Variants in SYNE1 observed in about 807,000 individuals in gnomAD.
SYNE1 encodes nesprin-1.
SYNE1 carries 616 observed loss-of-function variants against 1,111.0 expected under a neutral mutation model. The observed-to-expected ratio is 0.55, with a 90% CI of 0.52 to 0.59. The LOEUF is 0.59. SYNE1 is among the 20% of genes least tolerant of loss of function. The pLI is 0.00. For synonymous variants in SYNE1, 3,855 were observed against 3,825.8 expected, an observed-to-expected ratio of 1.01 and a Z score of -0.28; for missense variants, 10,006 against 10,417.0, an observed-to-expected ratio of 0.96 and a Z score of 1.72.
chr6:152,421,972 C>T (rs1259910882), intron 39 of SYNE1, among the ~76,000 whole-genome samples: 1 of 152,174 alleles, frequency 6.6e-6, no homozygotes, highest in Admixed American at 6.5e-5. Context: ...TCCCAAAGTG[C>T]TGGGATTACA....
intron 3 of SYNE1, among the ~76,000 whole-genome samples, chr6:152,605,046 G>A (rs2099610382): frequency 1.7e-5 from 1 of 57,226 alleles, no homozygotes; most frequent in African/African-American, 7.0e-5. Context: ...GGGAGGGAGG[G>A]AGGGAGGGAG....
rs2079442152 is a variant in SYNE1 at position 152,219,064 on chromosome 6, G to A, written c.21983C>T (p.Ser7328Phe). 6.2e-7 allele frequency: 1 copy of A among 1,614,074 alleles called. No individual in the cohort carries two copies. Among genetic ancestry groups the A allele is most frequent in the African/African-American group, 1.3e-5 (1 of 74,944 alleles). The change falls in exon 120 of 146, where the codon TCT (serine) becomes TTT (phenylalanine). Residue 7328 changes from serine (S) to phenylalanine (F), a missense_variant. Physicochemically the swap from Ser to Phe is radical, Grantham distance 155 (BLOSUM62 -2). Coordinates refer to ENST00000367255, the MANE Select transcript of SYNE1 (RefSeq NM_182961.4). ...CAGGGCACACAAGTGTTGACTCAAAGAGAGTTGATCCGATTGAATAGCTGA... is the reference window on the plus strand; with the variant it reads ...CAGGGCACACAAGTGTTGACTCAAAAAGAGTTGATCCGATTGAATAGCTGA... ...AASAIQSDQL[S>F]LSQHLCALEQ...
At chr6:152,214,677 T>C (rs1422631100) in intron 122 of SYNE1, among the ~76,000 whole-genome samples, 1 of 152,094 alleles carries the variant, frequency 6.6e-6, no homozygotes, top group Non-Finnish European at 1.5e-5. Flanking sequence ...ACAGCAACTC[T>C]CCCCTCCTGA....
intron 107 of SYNE1, 115 bp from the exon 108 acceptor site, chr6:152,239,821 G>T: frequency 9.1e-7 from 1 of 1,096,210 alleles, no homozygotes; most frequent in Non-Finnish European, 1.4e-6. Context: ...CAGTTGGGGA[G>T]GCTGAAGTGG....
At chr6:152,155,600 T>C (rs1365766831) in intron 132 of SYNE1, among the ~76,000 whole-genome samples, 3 of 152,344 alleles carry the variant, frequency 2.0e-5, no homozygotes, top group East Asian at 3.9e-4. Context: ...TAATTTTTAA[T>C]AAAAGAATGT....
intron 74 of SYNE1, among the ~76,000 whole-genome samples, chr6:152,341,976 C>CA: frequency 6.6e-6 from 1 of 151,950 alleles, no homozygotes; most frequent in South Asian, 2.1e-4. Flanking sequence ...GAAATAACAA[C>CA]AAAAAATAAA....
intron 99 of SYNE1, among the ~76,000 whole-genome samples, chr6:152,268,510 C>T (rs1007723888): frequency 2.6e-5 from 4 of 151,902 alleles, no homozygotes; most frequent in African/African-American, 7.3e-5. Flanking sequence ...AGGATAGATC[C>T]TTGGGAAAAG....
chr6:152,141,926 C>T (rs1187148183), intron 138 of SYNE1, among the ~76,000 whole-genome samples: 2 of 151,892 alleles, frequency 1.3e-5, no homozygotes, highest in African/African-American at 4.8e-5. Context: ...TAAAAATGAG[C>T]CAGGCGTGGT....
rs572259680 is a variant in SYNE1 at position 152,623,109 on chromosome 6, GCTACAGTAA to G, written c.67+5147_67+5155del. On this transcript the variant is annotated intron_variant, in intron 3 of 145. Coordinates refer to ENST00000367255, the MANE Select transcript of SYNE1 (RefSeq NM_182961.4). ...ACCCAACTTCAAACCATACTGCAGG[GCTACAGTAA>G]CCAAAACAGCATAATACTGGTACAA... 3.6e-3 allele frequency among the ~76,000 whole-genome samples: 544 copies of G among 152,092 alleles called. 4 individuals are homozygous for G. Among genetic ancestry groups the G allele is most frequent in the African/African-American group, 0.013 (522 of 41,500 alleles).
At chr6:152,145,647 G>A (rs2059347183) in intron 137 of SYNE1, 1 of 1,191,956 alleles carries the variant, frequency 8.4e-7, no homozygotes, top group Admixed American at 1.7e-5. Context: ...GGAAAAAAAG[G>A]AAGTCAGTTA....
In SYNE1 at chr6:152,427,776, G is replaced by A. The variant is rs562136623; in HGVS notation, c.5017C>T (p.Arg1673Trp). The stretch of plus-strand genomic sequence containing the variant: ...GGGGAACTGGCTTTAGCTTCACCCC[G>A]CTCTAACCAGGTCAAAAAGGATGAT... ...ELSSFLTWLE[R>W]GEAKASSPEM... Residue 1673 changes from arginine to tryptophan, a missense_variant, in exon 38 of 146, where the codon CGG (arginine) becomes TGG (tryptophan). Coordinates refer to ENST00000367255, the MANE Select transcript of SYNE1 (RefSeq NM_182961.4). The A allele has an allele frequency of 1.5e-5, 24 of 1,614,010 alleles. No homozygotes were observed. Among genetic ancestry groups the A allele is most frequent in the East Asian group, 6.7e-5 (3 of 44,866 alleles).
chr6:152,133,212 G>T, intron 143 of SYNE1, 64 bp downstream of exon 143: 1 of 1,450,304 alleles, frequency 6.9e-7, no homozygotes, highest in Non-Finnish European at 9.7e-7. Context: ...TAAAATGCAT[G>T]AAGATGATGC....
At chr6:152,452,623 G>A (rs1197307798) in intron 25 of SYNE1, among the ~76,000 whole-genome samples, 7 of 152,126 alleles carry the variant, frequency 4.6e-5, no homozygotes, top group Non-Finnish European at 7.3e-5. Context: ...TCCATGTAGC[G>A]CATGTGAAAT....
At position 152,390,312 on chromosome 6, in the gene SYNE1, A is replaced by C; in HGVS notation, c.8145T>G (p.Ala2715=). The C allele has an allele frequency of 5.0e-6, 8 of 1,614,144 alleles. No homozygotes were observed. Among genetic ancestry groups the C allele is most frequent in the Non-Finnish European group, 6.8e-6 (8 of 1,180,008 alleles). ...CGTGGACGGAGGAGCTCATGATGTC[A>C]GCCCACACTTCTTTAAGGGTCTCTA... The part of the protein sequence containing the change: ...TQLETLKEVW[A]DIMSSSVHAQ... Residue 2715 remains alanine, a synonymous_variant, in exon 53 of 146, where the codon GCT becomes GCG. Coordinates refer to ENST00000367255, the MANE Select transcript of SYNE1 (RefSeq NM_182961.4).
At chr6:152,561,271 T>C (rs2099394338) in intron 3 of SYNE1, among the ~76,000 whole-genome samples, 1 of 151,996 alleles carries the variant, frequency 6.6e-6, no homozygotes, top group African/African-American at 2.4e-5. Flanking sequence ...ACATAAACAA[T>C]GAACTATCCA....
chr6:152,377,001 A>T (rs990583006), intron 56 of SYNE1, 89 bp from the exon 57 acceptor site: 28 of 1,504,538 alleles, frequency 1.9e-5, no homozygotes, highest in Non-Finnish European at 2.6e-5. Flanking sequence ...TCATATTATA[A>T]ATTATTAGTG....
chr6:152,326,213 TA>T (rs2096063842), intron 79 of SYNE1, 82 bp downstream of exon 79: 11 of 1,610,880 alleles, frequency 6.8e-6, no homozygotes, highest in Middle Eastern at 1.6e-4. Flanking sequence ...ATTTACGTGC[TA>T]ATGTATATCA....
Position 152,403,735 on chromosome 6 carries a change from A to C in SYNE1, c.6825+478T>G, listed in dbSNP as rs567388176. 1.6e-4 allele frequency among the ~76,000 whole-genome samples: 24 copies of C among 152,182 alleles called. No homozygotes were observed. The South Asian group carries it at 4.0e-3, about 25-fold the overall frequency. The stretch of plus-strand genomic sequence containing the variant: ...AGACCCTGTCTCAATAAACAAACAA[A>C]CAACCAACATCAAAAACACCAAAAA... On this transcript the variant is annotated intron_variant, in intron 46 of 145. Coordinates refer to ENST00000367255, the MANE Select transcript of SYNE1 (RefSeq NM_182961.4).
chr6:152,215,165 G>T, intron 121 of SYNE1, 105 bp from the exon 122 acceptor site: 1 of 1,321,276 alleles, frequency 7.6e-7, no homozygotes, highest in Non-Finnish European at 1.1e-6. Flanking sequence ...CTGGTCTTCG[G>T]TCTAGTGGCC....
Sources: allele counts gnomAD v4.1 joint callset (sites outside exome capture counted in the v4.1 genomes callset), GRCh38; gene constraint gnomAD v4.1.1; transcripts MANE v1.5; gene names NCBI Gene and HGNC (gene_info 2026-07-23, HGNC 2026-07-21).